Variants in SLC7A6 observed in about 807,000 individuals in gnomAD.
SLC7A6 encodes solute carrier family 7 member 6, also known as Y+L amino acid transporter 2.
SLC7A6 carries 29 observed loss-of-function variants against 46.6 expected under a neutral mutation model. The ratio of observed to expected loss-of-function variants is 0.62; its 90% CI spans 0.46 to 0.85. The LOEUF is 0.85. SLC7A6 is among the 40% of genes least tolerant of loss of function. The pLI, the probability that SLC7A6 is intolerant of heterozygous loss-of-function variation, is 0.00. For synonymous variants in SLC7A6, 276 were observed against 257.3 expected (o/e 1.07, Z -0.70); for missense variants, 527 against 647.6 (o/e 0.81, Z 2.02).
Position 68,287,807 on chromosome 16 carries a change from C to T in SLC7A6, c.585C>T (p.Phe195=), listed in dbSNP as rs1372674147. 9 of 1,614,086 alleles carry T rather than the reference C, an allele frequency of 5.6e-6. No homozygotes were observed. Among genetic ancestry groups the T allele is most frequent in the Non-Finnish European group, 7.6e-6 (9 of 1,180,042 alleles). ...GGGGCACACGTGTGCAGGACACGTTCACTTACGCCAAGGTCGTAGCGCTCA... is the reference window on the plus strand; with the variant it reads ...GGGGCACACGTGTGCAGGACACGTTTACTTACGCCAAGGTCGTAGCGCTCA... ...VKWGTRVQDT[F]TYAKVVALIA... The change falls in exon 4 of 11, where the codon TTC becomes TTT. Residue 195 remains phenylalanine (F), a synonymous_variant. Coordinates refer to ENST00000219343, the MANE Select transcript of SLC7A6 (RefSeq NM_003983.6).
chr16:68,264,899 G>A lies in SLC7A6; in HGVS notation c.-166+323G>A, dbSNP rs1482045660. 6.6e-6 allele frequency among the ~76,000 whole-genome samples: 1 copy of A among 152,140 alleles called. No individual in the cohort carries two copies. Among genetic ancestry groups the A allele is most frequent in the African/African-American group, 2.4e-5 (1 of 41,418 alleles). ...GCGGCGAGTGTGAGGGAGACCGGGGGTGTGTGTGGAGAGGGAAACCCCAGG... is the reference window on the plus strand; with the variant it reads ...GCGGCGAGTGTGAGGGAGACCGGGGATGTGTGTGGAGAGGGAAACCCCAGG... On this transcript the variant is annotated intron_variant, in intron 1 of 10. Transcript: ENST00000219343. This position sits in a 1 kb window ranked among gnomAD's most constrained non-coding sequence, Gnocchi z 5.8.
At position 68,275,029 on chromosome 16, in the gene SLC7A6, G is replaced by A; in HGVS notation, c.303G>A (p.Leu101=). ...TGGGTGCCCTTTGTTATGCAGAGCT[G>A]GGGACCACCATCACCAAGTCGGGAG... ...SVVGALCYAE[L]GTTITKSGAS... is the part of the protein sequence containing the mutation. Residue 101 remains leucine (L), a synonymous_variant, in exon 3 of 11, where the codon CTG becomes CTA. Transcript: ENST00000219343. 6.2e-7 allele frequency: 1 copy of A among 1,614,180 alleles called. No homozygotes were observed. Among genetic ancestry groups the A allele is most frequent in the Non-Finnish European group, 8.5e-7 (1 of 1,180,040 alleles).
rs868453253 is a variant in SLC7A6, at chr16:68,290,632, C to T, written c.794+92C>T. Reference sequence around the variant, plus strand: ...GCCCTCATCCTTCTCCTCCTCCCTCCGACTCTCCTCCCCTCTTCTCCCTAC... The same window carrying T: ...GCCCTCATCCTTCTCCTCCTCCCTCTGACTCTCCTCCCCTCTTCTCCCTAC... On this transcript the variant is annotated intron_variant, in intron 5 of 10. Transcript: ENST00000219343. 23 of 1,440,070 alleles carry T rather than the reference C, an allele frequency of 1.6e-5. No homozygotes were observed. In the Middle Eastern group the frequency reaches 2.8e-3, roughly 176 times the overall value. The allele number at this position is 1,440,070 out of a possible 1,614,324, so 89.2% of individuals were successfully genotyped here.
In SLC7A6 at chr16:68,291,779, G is replaced by C; in HGVS notation, c.1022+118G>C. The C allele has an allele frequency of 1.4e-5, 10 of 706,460 alleles. No individual in the cohort carries two copies. The South Asian group carries it at 1.8e-4, about 12-fold the overall frequency. The allele number at this position is 706,460 out of a possible 1,614,324, so 43.8% of individuals were successfully genotyped here. A position where few individuals can be genotyped will look rare whatever the true frequency, so the allele number is the denominator to read the frequency against. ...GCATATAGGGTGTGTGTGTGTGTGT[G>C]TGTGTGTGTGTGTGTGTGTGTTTGG... On this transcript the variant is annotated intron_variant, in intron 7 of 10. Transcript: ENST00000219343.
chr16:68,266,220 A>G (rs898882820), intron 1 of SLC7A6, among the ~76,000 whole-genome samples: 2 of 152,106 alleles, frequency 1.3e-5, no homozygotes, highest in Non-Finnish European at 2.9e-5. Flanking sequence ...AGATTGCGCC[A>G]TTGCACTCTA....
intron 5 of SLC7A6, 117 bp downstream of exon 5, chr16:68,290,657 C>T (rs2043030940): frequency 2.8e-5 from 34 of 1,217,848 alleles, no homozygotes; most frequent in Non-Finnish European, 3.8e-5. Context: ...CTTCTCCCTA[C>T]TCCCCCTTCT....
rs1021124378 is a variant in SLC7A6, at chr16:68,298,023, A to G, written c.*695A>G. 6.6e-6 allele frequency: 1 copy of G among 152,664 alleles called. No homozygotes were observed. The highest frequency in any genetic ancestry group is 1.5e-5 in the Non-Finnish European group (1 of 68,050). 9.5% of individuals were successfully genotyped at this position (152,664 alleles called of 1,614,324 possible). On this transcript the variant is annotated 3_prime_UTR_variant, in exon 11 of 11. Coordinates refer to ENST00000219343, the MANE Select transcript of SLC7A6 (RefSeq NM_003983.6). Reference sequence around the variant, plus strand: ...TTTAGCACAATTTCTATTGAGTCTTACCTGCAACAATGAACCTTAAAGATT... The same window carrying G: ...TTTAGCACAATTTCTATTGAGTCTTGCCTGCAACAATGAACCTTAAAGATT...
At chr16:68,297,092 TG>T (rs2043187136) in intron 10 of SLC7A6, 141 bp from the exon 11 acceptor site, 11 of 762,022 alleles carry the variant, frequency 1.4e-5, no homozygotes, top group Non-Finnish European at 2.3e-5. Flanking sequence ...TGAGGCTTGT[TG>T]GGAGACAGGG....
At chr16:68,293,623 C>T (rs1363213051) in intron 7 of SLC7A6, among the ~76,000 whole-genome samples, 1 of 152,182 alleles carries the variant, frequency 6.6e-6, no homozygotes, top group Non-Finnish European at 1.5e-5. Flanking sequence ...GCCTTGTATG[C>T]AGGTTCTTCC....
intron 3 of SLC7A6, among the ~76,000 whole-genome samples, chr16:68,277,268 G>C (rs933702449): frequency 1.3e-5 from 2 of 150,862 alleles, no homozygotes; most frequent in African/African-American, 4.9e-5. Context: ...TGTATTTTTA[G>C]TAGAGAGGGG....
At chr16:68,287,967 T>C (rs1032758749) in intron 4 of SLC7A6, 96 bp downstream of exon 4, 10 of 1,516,036 alleles carry the variant, frequency 6.6e-6, no homozygotes, top group Non-Finnish European at 8.9e-6. Flanking sequence ...GCTGTTTCTA[T>C]GTACATGCTA....
chr16:68,292,479 G>A (rs368374910), intron 7 of SLC7A6: 1 of 152,098 alleles, frequency 6.6e-6, no homozygotes, highest in South Asian at 2.1e-4. Flanking sequence ...ACAAAATAGC[G>A]TTTCGCATCT....
intron 5 of SLC7A6, 87 bp downstream of exon 5, chr16:68,290,627 C>CCCTCCGACTCT: frequency 6.8e-7 from 1 of 1,473,366 alleles, no homozygotes; most frequent in Non-Finnish European, 9.4e-7. Flanking sequence ...TTCTCCTCCT[C>CCCTCCGACTCT]CCTCCGACTC....
At chr16:68,276,139 T>C (rs367565436) in intron 3 of SLC7A6, among the ~76,000 whole-genome samples, 10 of 152,328 alleles carry the variant, frequency 6.6e-5, no homozygotes, top group African/African-American at 1.9e-4. Flanking sequence ...ACACCTTTTC[T>C]TCCTAGTGTA....
At chr16:68,296,874 G>A in intron 10 of SLC7A6, 64 bp downstream of exon 10, 8 of 1,560,846 alleles carry the variant, frequency 5.1e-6, no homozygotes, top group Non-Finnish European at 7.0e-6. Context: ...CAGAGGTGGG[G>A]GGTGGCTAAC....
chr16:68,296,640 T>TC lies in SLC7A6; in HGVS notation c.1287dup (p.Ile430HisfsTer18). 6.2e-7 allele frequency: 1 copy of TC among 1,614,204 alleles called. No individual in the cohort carries two copies. The highest frequency in any genetic ancestry group is 1.1e-5 in the South Asian group (1 of 91,078). ...CCTCTATTTCAGCTGAGCGTGTTTT[T>TC]CCCCATCGTGTTCTGCATATGCTCC... On this transcript the variant is annotated frameshift_variant, in exon 10 of 11. Transcript: ENST00000219343. LOFTEE classifies it high-confidence loss of function.
intron 7 of SLC7A6, chr16:68,292,856 A>G (rs1007033451): frequency 1.3e-5 from 2 of 152,182 alleles, no homozygotes; most frequent in Non-Finnish European, 2.9e-5. Flanking sequence ...TTTTGAAACA[A>G]TTCCCATGGC....
At chr16:68,275,377 C>G (rs936960359) in intron 3 of SLC7A6, 128 bp downstream of exon 3, 8 of 1,200,600 alleles carry the variant, frequency 6.7e-6, no homozygotes, top group Non-Finnish European at 9.3e-6. Context: ...GGGCGGATCA[C>G]CTGAGGTTGG....
At chr16:68,291,476 T>C (rs568084871) in intron 6 of SLC7A6, 82 bp from the exon 7 acceptor site, 4 of 1,579,018 alleles carry the variant, frequency 2.5e-6, no homozygotes, top group South Asian at 1.1e-5. Flanking sequence ...TTAGCAGTGA[T>C]TGCATTTGTT....
Sources: gnomAD v4.1 joint callset for allele counts (sites outside exome capture counted in the v4.1 genomes callset) on GRCh38, gnomAD v4.1.1 for gene constraint, Gnocchi (gnomAD v3.1) non-coding constraint, MANE v1.5 for transcripts, NCBI Gene and HGNC (gene_info 2026-07-23, HGNC 2026-07-21) for gene names.